Variants in CHLSN observed in about 807,000 individuals in gnomAD.
The protein encoded by CHLSN is cholesin.
the CHLSN span, chr7:1,092,092 C>A: frequency 1.2e-6 from 2 of 1,613,762 alleles, no homozygotes; most frequent in South Asian, 1.1e-5. Context: ...CCTGCACGAG[C>A]GGTACTACGA....
the CHLSN span, among the ~76,000 whole-genome samples, chr7:1,040,172 A>G: frequency 2.3e-5 from 2 of 87,106 alleles, no homozygotes; most frequent in Non-Finnish European, 4.8e-5. Context: ...TTATCAATAA[A>G]AAAATAAATT....
At chr7:1,119,885 A>T in the CHLSN span, among the ~76,000 whole-genome samples, 1 of 147,236 alleles carries the variant, frequency 6.8e-6, no homozygotes, top group South Asian at 2.2e-4. Flanking sequence ...CAAAAAAAAA[A>T]AAAAGGGGGA....
chr7:984,068 T>C, the CHLSN span, among the ~76,000 whole-genome samples: 3 of 152,196 alleles, frequency 2.0e-5, no homozygotes, highest in African/African-American at 7.2e-5. Flanking sequence ...GCCCTCACTC[T>C]GTGCAGACTC....
chr7:1,136,433 CATAT>C, the CHLSN span, among the ~76,000 whole-genome samples: 526 of 100,026 alleles, frequency 5.3e-3, 76 homozygotes, highest in African/African-American at 0.026. Flanking sequence ...TATATATAAA[CATAT>C]ATATAAATAT....
chr7:995,067 G>C, the CHLSN span, among the ~76,000 whole-genome samples: 1 of 152,254 alleles, frequency 6.6e-6, no homozygotes, highest in Non-Finnish European at 1.5e-5. Flanking sequence ...GAGGCTTCCT[G>C]GCTCAGGAGT....
the CHLSN span, among the ~76,000 whole-genome samples, chr7:1,127,891 G>A: frequency 4.1e-4 from 22 of 53,462 alleles, no homozygotes; most frequent in African/African-American, 1.8e-3. Context: ...GCACGATCTC[G>A]GCTCATCCCA....
At chr7:1,048,364 A>T in the CHLSN span, among the ~76,000 whole-genome samples, 4 of 152,066 alleles carry the variant, frequency 2.6e-5, no homozygotes, top group East Asian at 7.7e-4. Context: ...GCCACCTTGG[A>T]GCAGAGGATT....
At chr7:1,007,884 A>G in the CHLSN span, among the ~76,000 whole-genome samples, 7 of 152,212 alleles carry the variant, frequency 4.6e-5, no homozygotes, top group East Asian at 1.4e-3. Flanking sequence ...GTGTGTGATC[A>G]TGGGAGGGGA....
At chr7:985,178 C>T in the CHLSN span, 17 of 1,576,694 alleles carry the variant, frequency 1.1e-5, no homozygotes, top group African/African-American at 4.0e-5. Flanking sequence ...CGGCCCTTCC[C>T]GCTGGCCCTA....
At chr7:1,028,633 A>G in the CHLSN span, 1 of 972,276 alleles carries the variant, frequency 1.0e-6, no homozygotes, top group Non-Finnish European at 1.2e-6. Context: ...AGCTGCACGT[A>G]CTTGCCTCTG....
the CHLSN span, chr7:1,000,617 G>GTCTT: frequency 7.5e-7 from 1 of 1,338,034 alleles, no homozygotes; most frequent in Non-Finnish European, 1.0e-6. Context: ...TGTCTGCCCT[G>GTCTT]AGAGATCGGG....
At chr7:1,079,704 G>A in the CHLSN span, among the ~76,000 whole-genome samples, 33 of 152,172 alleles carry the variant, frequency 2.2e-4, no homozygotes, top group Non-Finnish European at 4.4e-4. Context: ...GGGCTGGGAG[G>A]GCTCAGGGGC....
At chr7:1,020,082 C>A in the CHLSN span, among the ~76,000 whole-genome samples, 2 of 152,180 alleles carry the variant, frequency 1.3e-5, no homozygotes. Flanking sequence ...GATCCAAGGG[C>A]CGGCGGAGTG....
the CHLSN span, among the ~76,000 whole-genome samples, chr7:1,089,830 C>T: frequency 6.6e-5 from 10 of 151,622 alleles, no homozygotes; most frequent in African/African-American, 2.4e-4. Flanking sequence ...CACCTGTAAT[C>T]CCAGCACCGT....
chr7:1,002,217 T>C, the CHLSN span, among the ~76,000 whole-genome samples: 12 of 45,062 alleles, frequency 2.7e-4, no homozygotes, highest in Non-Finnish European at 2.7e-4. Context: ...GTGAGTGGAG[T>C]CCTGCGGGTG....
At chr7:1,053,691 G>A in the CHLSN span, among the ~76,000 whole-genome samples, 1 of 152,234 alleles carries the variant, frequency 6.6e-6, no homozygotes, top group Admixed American at 6.5e-5. Flanking sequence ...GCTGGGTGTG[G>A]TGGCAGTCGC....
At chr7:1,078,648 G>A in the CHLSN span, among the ~76,000 whole-genome samples, 18 of 152,118 alleles carry the variant, frequency 1.2e-4, no homozygotes, top group African/African-American at 3.4e-4. Flanking sequence ...ATGCACTCCC[G>A]GGGGGTTGGC....
At chr7:1,090,010 G>T in the CHLSN span, among the ~76,000 whole-genome samples, 3 of 151,834 alleles carry the variant, frequency 2.0e-5, no homozygotes, top group Middle Eastern at 3.2e-3. Flanking sequence ...CTCTAACCCG[G>T]GAGGCGGCAG....
the CHLSN span, among the ~76,000 whole-genome samples, chr7:1,018,011 A>C: frequency 8.1e-3 from 1,235 of 152,328 alleles, 13 homozygotes; most frequent in African/African-American, 0.029. Flanking sequence ...GCCCAAATTT[A>C]AATAATGACC....
Sources: gnomAD v4.1 joint callset for allele counts (sites outside exome capture counted in the v4.1 genomes callset) on GRCh38, gnomAD v4.1.1 for gene constraint, MANE v1.5 for transcripts, NCBI Gene and HGNC (gene_info 2026-07-23, HGNC 2026-07-21) for gene names.